CHRM2: variants seen among roughly 807,000 people sequenced by gnomAD.
The protein encoded by CHRM2 is cholinergic receptor muscarinic 2.
In CHRM2, 8 loss-of-function variants were observed where a neutral mutation model predicts 25.0. That is an observed-to-expected ratio of 0.32 (90% CI 0.19 to 0.58). CHRM2 has a LOEUF of 0.58. Ranked by LOEUF, CHRM2 falls within the 20% of genes least tolerant of loss-of-function variation. The pLI is 0.88. For missense variants in CHRM2, 440 were observed against 567.1 expected, an observed-to-expected ratio of 0.78 and a Z score of 2.28; for synonymous variants, 202 against 205.7, an observed-to-expected ratio of 0.98 and a Z score of 0.15.
chr7:136,872,873 T>C (rs1795894740), intron 2 of CHRM2, among the ~76,000 whole-genome samples: 1 of 152,208 alleles, frequency 6.6e-6, no homozygotes. Flanking sequence ...CCATCACTGA[T>C]GTCAGCCTTT....
At chr7:136,923,587 C>T (rs570522856) in intron 2 of CHRM2, among the ~76,000 whole-genome samples, 76 of 152,232 alleles carry the variant, frequency 5.0e-4, no homozygotes, top group African/African-American at 1.8e-3. Flanking sequence ...CATTAAGGAA[C>T]CCCCAAAGCT....
At chr7:136,962,141 GT>G (rs71176362) in intron 2 of CHRM2, among the ~76,000 whole-genome samples, 131,854 of 147,592 alleles carry the variant, frequency 0.89, 59,282 homozygotes, top group Middle Eastern at 0.97. Flanking sequence ...TGGTAATTCT[GT>G]TTTTTTTTTT....
intron 2 of CHRM2, among the ~76,000 whole-genome samples, chr7:136,956,493 G>A (rs1800732807): frequency 6.6e-6 from 1 of 152,066 alleles, no homozygotes; most frequent in African/African-American, 2.4e-5. Flanking sequence ...AATAGACCTG[G>A]TTTTTGAATC....
intron 2 of CHRM2, among the ~76,000 whole-genome samples, chr7:136,965,708 C>T (rs1801372474): frequency 6.6e-6 from 1 of 151,966 alleles, no homozygotes; most frequent in African/African-American, 2.4e-5. Flanking sequence ...ACAGTGCAGT[C>T]CTCTAAAATC....
chr7:136,932,520 G>A (rs1228308273), intron 2 of CHRM2, among the ~76,000 whole-genome samples: 2 of 152,070 alleles, frequency 1.3e-5, no homozygotes, highest in African/African-American at 4.8e-5. Flanking sequence ...TAATTCACTG[G>A]GGAAAGATTA....
chr7:136,983,900 G>C (rs1458426251), intron 2 of CHRM2, among the ~76,000 whole-genome samples: 1 of 152,186 alleles, frequency 6.6e-6, no homozygotes, highest in Non-Finnish European at 1.5e-5. Flanking sequence ...CTCCCCATCA[G>C]GAGGCCCAGG....
chr7:137,000,595 A>AGGGAC (rs1471288224), intron 3 of CHRM2, among the ~76,000 whole-genome samples: 2 of 58,156 alleles, frequency 3.4e-5, no homozygotes, highest in African/African-American at 6.3e-5. Flanking sequence ...AAGGAAGGGA[A>AGGGAC]AAAAAGCAAG....
At chr7:136,902,084 T>G in intron 2 of CHRM2, 1 of 152,044 alleles carries the variant, frequency 6.6e-6, no homozygotes, top group Non-Finnish European at 1.5e-5. Context: ...CCCCTTAGCT[T>G]CTTCTATGGC....
rs938875105 is a variant in CHRM2, at chr7:137,017,804, T to A, written c.*1538T>A. On this transcript the variant is annotated 3_prime_UTR_variant, in exon 4 of 4. Transcript: ENST00000680005. ...ATCTAATTCTAGACCATAATAATCA[T>A]GTCAGGAACTATTATCTAAGTGGTG... 1 of 151,954 alleles carries A rather than the reference T, an allele frequency of 6.6e-6. No homozygotes were observed. The highest frequency in any genetic ancestry group is 2.4e-5 in the African/African-American group (1 of 41,428). The allele number at this position is 151,954 out of a possible 1,614,324, so 9.4% of individuals were successfully genotyped here.
chr7:136,875,116 C>A (rs562090058), intron 2 of CHRM2, among the ~76,000 whole-genome samples: 2 of 149,416 alleles, frequency 1.3e-5, no homozygotes, highest in East Asian at 3.9e-4. Flanking sequence ...CATATATACA[C>A]ACATATATAC....
At chr7:137,003,958 C>T (rs1355852445) in intron 3 of CHRM2, among the ~76,000 whole-genome samples, 1 of 152,156 alleles carries the variant, frequency 6.6e-6, no homozygotes, top group Non-Finnish European at 1.5e-5. Flanking sequence ...GCTTCCCCTT[C>T]TGCCATGCTT....
In CHRM2 at chr7:136,986,630, G is replaced by A. The variant is rs564895322; in HGVS notation, c.-124-5557G>A. ...ACTTTTGTTCTTCCGTAATTTGCCT[G>A]ATCATAATTTTGACAATATTTATCT... On this transcript the variant is annotated intron_variant, in intron 2 of 3. Coordinates refer to ENST00000680005, the MANE Select transcript of CHRM2 (RefSeq NM_001006630.2). Among the ~76,000 whole-genome samples the A allele has an allele frequency of 6.6e-5, 10 of 152,244 alleles. 1 individual carries two copies. In the South Asian group the frequency reaches 2.1e-3, roughly 32 times the overall value.
At chr7:136,933,496 T>C (rs1394807483) in intron 2 of CHRM2, among the ~76,000 whole-genome samples, 2 of 152,176 alleles carry the variant, frequency 1.3e-5, no homozygotes, top group African/African-American at 4.8e-5. Flanking sequence ...TGAATAAAGT[T>C]GCAGCCACTT....
At chr7:136,917,902 T>G (rs546698849) in intron 2 of CHRM2, among the ~76,000 whole-genome samples, 1 of 152,104 alleles carries the variant, frequency 6.6e-6, no homozygotes, top group African/African-American at 2.4e-5. Flanking sequence ...TTTGTTTTCC[T>G]GAGGTCTTAC....
intron 2 of CHRM2, among the ~76,000 whole-genome samples, chr7:136,953,266 C>T (rs1480769295): frequency 6.6e-6 from 1 of 152,098 alleles, no homozygotes; most frequent in East Asian, 1.9e-4. Flanking sequence ...GACTGAGCAT[C>T]TAAGTGCCCC....
chr7:136,980,718 G>T (rs542098829), intron 2 of CHRM2, among the ~76,000 whole-genome samples: 208 of 152,254 alleles, frequency 1.4e-3, no homozygotes, highest in Non-Finnish European at 2.5e-3. Context: ...TTTTGTCATT[G>T]GTTCTGTTTA....
chr7:136,868,746 GCACACACA>G lies in CHRM2; in HGVS notation c.-508_-501del, dbSNP rs35916399. 10 of 149,568 alleles carry G rather than the reference GCACACACA, an allele frequency of 6.7e-5. No individual in the cohort carries two copies. The highest frequency in any genetic ancestry group is 1.2e-4 in the Non-Finnish European group (8 of 67,298). The allele number at this position is 149,568 out of a possible 1,614,324, so 9.3% of individuals were successfully genotyped here. A position where few individuals can be genotyped will look rare whatever the true frequency, so the allele number is the denominator to read the frequency against. ...GCAAAGACCTAGGGAGCGCGCGCGG[GCACACACA>G]CACACACACACACACACACAGACAC... On this transcript the variant is annotated 5_prime_UTR_variant, in exon 1 of 4. Transcript: ENST00000680005.
chr7:136,936,600 A>T (rs1799425354), intron 2 of CHRM2, among the ~76,000 whole-genome samples: 2 of 140,012 alleles, frequency 1.4e-5, no homozygotes, highest in South Asian at 4.3e-4. Flanking sequence ...GTGTGCATGT[A>T]CATGTCTCTG....
intron 2 of CHRM2, among the ~76,000 whole-genome samples, chr7:136,888,935 C>G (rs1796580585): frequency 6.7e-6 from 1 of 150,042 alleles, no homozygotes; most frequent in South Asian, 2.1e-4. Context: ...GTAGTCCCAG[C>G]TTCTTGGGAG....
Sources: gnomAD v4.1 joint callset for allele counts (sites outside exome capture counted in the v4.1 genomes callset) on GRCh38, gnomAD v4.1.1 for gene constraint, MANE v1.5 for transcripts, NCBI Gene and HGNC (gene_info 2026-07-23, HGNC 2026-07-21) for gene names.